PTPRN2: variants seen among roughly 807,000 people sequenced by gnomAD.
The protein encoded by PTPRN2 is protein tyrosine phosphatase receptor type N2, also known as receptor-type tyrosine-protein phosphatase N2.
In PTPRN2, 74 loss-of-function variants were observed where a neutral mutation model predicts 118.8. The ratio of observed to expected loss-of-function variants is 0.62; its 90% CI spans 0.52 to 0.76. The LOEUF (loss-of-function observed/expected upper bound fraction) is 0.76, where lower values mean the gene tolerates loss of function less well. Among genes scored for constraint, PTPRN2 ranks in the 30% least tolerant of loss-of-function variants. PTPRN2 has a pLI of 0.00. For missense variants in PTPRN2, 1,481 were observed against 1,394.4 expected (o/e 1.06, Z -0.99); for synonymous variants, 641 against 608.0 (o/e 1.05, Z -0.80).
chr7:158,471,546 G>T (rs1563332897), intron 2 of PTPRN2, among the ~76,000 whole-genome samples: 1 of 152,090 alleles, frequency 6.6e-6, no homozygotes, highest in Non-Finnish European at 1.5e-5. Flanking sequence ...AAATTAGCTG[G>T]GTGTGGTGGC....
chr7:157,804,078 G>C (rs900886311), intron 12 of PTPRN2, among the ~76,000 whole-genome samples: 1 of 152,178 alleles, frequency 6.6e-6, no homozygotes, highest in South Asian at 2.1e-4. Flanking sequence ...AAATTAAAGA[G>C]GATCTTATGG....
rs188654210 is a variant in PTPRN2, at chr7:157,783,728, C to T, written c.1789-100791G>A. Among the ~76,000 whole-genome samples the T allele has an allele frequency of 4.6e-5, 7 of 151,970 alleles. No individual in the cohort carries two copies. The South Asian group carries it at 1.0e-3, about 23-fold the overall frequency. On this transcript the variant is annotated intron_variant, in intron 12 of 22. Coordinates refer to ENST00000389418, the MANE Select transcript of PTPRN2 (RefSeq NM_002847.5). ...CCTGTGGGTCCTGGATTCAGCCTCC[C>T]GCCCCACTCCCACTTACTCGGAACA...
At chr7:158,553,892 G>T (rs568393284) in intron 1 of PTPRN2, among the ~76,000 whole-genome samples, 29 of 134,034 alleles carry the variant, frequency 2.2e-4, no homozygotes, top group South Asian at 4.9e-4. Context: ...ACTTCCCCAT[G>T]TACACACATA....
At chr7:158,483,641 T>G (rs1003922333) in intron 2 of PTPRN2, among the ~76,000 whole-genome samples, 2 of 152,196 alleles carry the variant, frequency 1.3e-5, no homozygotes, top group Non-Finnish European at 2.9e-5. Context: ...CATCTTGTTT[T>G]GTGTTGGGTT....
At chr7:158,136,517 T>C (rs1818830414) in intron 8 of PTPRN2, 138 bp downstream of exon 8, 2 of 710,018 alleles carry the variant, frequency 2.8e-6, no homozygotes, top group Non-Finnish European at 4.8e-6. Context: ...TGTTTTTCAA[T>C]TTGGAGATTA....
chr7:157,892,012 C>T (rs1279616638), intron 12 of PTPRN2, among the ~76,000 whole-genome samples: 10 of 152,206 alleles, frequency 6.6e-5, no homozygotes, highest in African/African-American at 2.2e-4. Flanking sequence ...GACTCAGGGT[C>T]GGCCACTTCT....
chr7:157,683,007 A>G, intron 12 of PTPRN2, 70 bp from the exon 13 acceptor site: 1 of 1,332,664 alleles, frequency 7.5e-7, no homozygotes, highest in Non-Finnish European at 1.1e-6. Context: ...ACACGTCTCC[A>G]AATGCAACTT....
intron 14 of PTPRN2, among the ~76,000 whole-genome samples, chr7:157,646,015 A>G (rs1379073635): frequency 6.6e-6 from 1 of 152,260 alleles, no homozygotes; most frequent in Non-Finnish European, 1.5e-5. Context: ...TTAGCAGATG[A>G]AGGGCCTCCT....
At chr7:158,146,815 A>T (rs984408832) in intron 6 of PTPRN2, among the ~76,000 whole-genome samples, 1 of 152,042 alleles carries the variant, frequency 6.6e-6, no homozygotes, top group Admixed American at 6.5e-5. Flanking sequence ...CAGCACAGAC[A>T]CACTAAAATG....
chr7:157,786,268 C>A (rs1220464860), intron 12 of PTPRN2, among the ~76,000 whole-genome samples: 2 of 152,224 alleles, frequency 1.3e-5, no homozygotes, highest in African/African-American at 4.8e-5. Flanking sequence ...TTTAGTCTTG[C>A]TGGTTTTCTC....
Position 158,186,039 on chromosome 7 carries a change from C to T in PTPRN2, c.549+6288G>A, listed in dbSNP as rs570434943. Reference sequence around the variant, plus strand: ...CCTCTCCCTCCTCCATCCCTAGTGCCGCATCTCACATACTCAGCGAAAGCC... The same window carrying T: ...CCTCTCCCTCCTCCATCCCTAGTGCTGCATCTCACATACTCAGCGAAAGCC... On this transcript the variant is annotated intron_variant, in intron 5 of 22. Coordinates refer to ENST00000389418, the MANE Select transcript of PTPRN2 (RefSeq NM_002847.5). 2.8e-4 allele frequency among the ~76,000 whole-genome samples: 42 copies of T among 152,280 alleles called. No individual in the cohort carries two copies. The South Asian group carries it at 3.7e-3, about 14-fold the overall frequency.
intron 19 of PTPRN2, among the ~76,000 whole-genome samples, chr7:157,574,729 G>A (rs563487001): frequency 1.3e-5 from 2 of 152,278 alleles, no homozygotes; most frequent in East Asian, 1.9e-4. Flanking sequence ...GAAGATGGCC[G>A]GTGTCTTCAG....
intron 2 of PTPRN2, among the ~76,000 whole-genome samples, chr7:158,332,728 C>T (rs1424679112): frequency 2.0e-4 from 31 of 151,356 alleles, no homozygotes; most frequent in African/African-American, 4.1e-4. Flanking sequence ...TACACCCACA[C>T]TCTCACCATA....
intron 11 of PTPRN2, among the ~76,000 whole-genome samples, chr7:158,051,816 C>T (rs1193275087): frequency 6.6e-6 from 1 of 152,182 alleles, no homozygotes; most frequent in Non-Finnish European, 1.5e-5. Flanking sequence ...ACACACTGTA[C>T]TTAAACAAGT....
chr7:158,131,064 AAC>A (rs202027642), intron 9 of PTPRN2, among the ~76,000 whole-genome samples: 97,787 of 150,890 alleles, frequency 0.65, 32,199 homozygotes, highest in African/African-American at 0.76. Flanking sequence ...ACACCTGCCC[AAC>A]ACACACACTT....
At chr7:157,820,544 G>A (rs75458080) in intron 12 of PTPRN2, among the ~76,000 whole-genome samples, 4,500 of 142,428 alleles carry the variant, frequency 0.032, 221 homozygotes, top group African/African-American at 0.11. Flanking sequence ...ACCCACACAC[G>A]TGCACACACA....
intron 2 of PTPRN2, among the ~76,000 whole-genome samples, chr7:158,413,342 G>A (rs958866026): frequency 6.6e-6 from 1 of 152,260 alleles, no homozygotes; most frequent in Non-Finnish European, 1.5e-5. Flanking sequence ...AATTTTGAAT[G>A]TATGTTTACA....
Position 158,298,038 on chromosome 7 carries a change from T to C in PTPRN2, c.277+18781A>G, listed in dbSNP as rs114941473. 4.4e-3 allele frequency among the ~76,000 whole-genome samples: 672 copies of C among 152,340 alleles called. 7 individuals carry two copies. Among genetic ancestry groups the C allele is most frequent in the African/African-American group, 0.015 (624 of 41,584 alleles). The stretch of plus-strand genomic sequence containing the variant: ...AACAAAGTCATTAGTAGTGTTTTCC[T>C]ACGATTCTTGAATTCAATTTACCTA... On this transcript the variant is annotated intron_variant, in intron 3 of 22. Transcript: ENST00000389418.
At chr7:158,551,176 G>C (rs1231380647) in intron 1 of PTPRN2, among the ~76,000 whole-genome samples, 3 of 152,240 alleles carry the variant, frequency 2.0e-5, no homozygotes, top group African/African-American at 7.2e-5. Flanking sequence ...CTGGGCTCTG[G>C]TGAGGGCCCT....
Sources: gnomAD v4.1 joint callset for allele counts (sites outside exome capture counted in the v4.1 genomes callset) on GRCh38, gnomAD v4.1.1 for gene constraint, MANE v1.5 for transcripts, NCBI Gene and HGNC (gene_info 2026-07-23, HGNC 2026-07-21) for gene names.